Variants in MAP4K3 observed in about 807,000 individuals in gnomAD.
The protein encoded by MAP4K3 is MAPK/ERK kinase kinase kinase 3.
In MAP4K3, 94 loss-of-function variants were observed where a neutral mutation model predicts 143.5. The ratio of observed to expected loss-of-function variants is 0.65; its 90% confidence interval spans 0.55 to 0.78. MAP4K3 has a LOEUF of 0.78. Ranked by LOEUF, MAP4K3 falls within the 30% of genes least tolerant of loss-of-function variation. MAP4K3 has a pLI of 0.00. For synonymous variants in MAP4K3, 416 were observed against 347.2 expected (o/e 1.20, Z -2.20); for missense variants, 1,077 against 1,068.1 (o/e 1.01, Z -0.12).
chr2:39,282,689 G>T, intron 21 of MAP4K3, 135 bp from the exon 22 acceptor site: 1 of 626,038 alleles, frequency 1.6e-6, no homozygotes, highest in Non-Finnish European at 2.7e-6. Flanking sequence ...AGTTAAGGCT[G>T]AAGTTCCCCA....
At chr2:39,335,787 G>A (rs1664930236) in intron 6 of MAP4K3, among the ~76,000 whole-genome samples, 1 of 152,092 alleles carries the variant, frequency 6.6e-6, no homozygotes, top group African/African-American at 2.4e-5. Flanking sequence ...CTTCAAACAA[G>A]GGATCTCAGC....
intron 4 of MAP4K3, among the ~76,000 whole-genome samples, chr2:39,341,517 G>A (rs1665139297): frequency 6.6e-6 from 1 of 151,818 alleles, no homozygotes; most frequent in African/African-American, 2.4e-5. Flanking sequence ...ATTAGCCGGT[G>A]TGGTGGCAGG....
At chr2:39,423,326 A>G (rs1356863540) in intron 1 of MAP4K3, among the ~76,000 whole-genome samples, 2 of 152,182 alleles carry the variant, frequency 1.3e-5, no homozygotes, top group Non-Finnish European at 2.9e-5. Context: ...TAGAAATGCA[A>G]AGTGCTACAG....
At chr2:39,327,703 A>G (rs1245136361) in intron 8 of MAP4K3, among the ~76,000 whole-genome samples, 1 of 152,218 alleles carries the variant, frequency 6.6e-6, no homozygotes, top group Non-Finnish European at 1.5e-5. Flanking sequence ...AGATCTTATG[A>G]AAATTTAAAT....
At chr2:39,319,488 T>G (rs535137321) in intron 12 of MAP4K3, among the ~76,000 whole-genome samples, 10 of 152,282 alleles carry the variant, frequency 6.6e-5, no homozygotes, top group African/African-American at 2.4e-4. Context: ...GATTTGGGTA[T>G]GCACGGAGTT....
Position 39,368,574 on chromosome 2 carries a change from G to A in MAP4K3, c.154+9492C>T, listed in dbSNP as rs886599348. 6.9e-4 allele frequency among the ~76,000 whole-genome samples: 105 copies of A among 151,986 alleles called. 1 individual carries two copies. Among genetic ancestry groups the A allele is most frequent in the Non-Finnish European group, 7.8e-4 (53 of 68,006 alleles). ...AATACCAACCAGTAGTGAGGCTGAG[G>A]CAGGAGGATCGCTTGAGCCCAGGAG... On this transcript the variant is annotated intron_variant, in intron 2 of 33. Transcript: ENST00000263881.
At chr2:39,270,063 C>T (rs2148452289) in intron 26 of MAP4K3, among the ~76,000 whole-genome samples, 1 of 152,266 alleles carries the variant, frequency 6.6e-6, no homozygotes, top group South Asian at 2.1e-4. Context: ...ATGTTCCTGT[C>T]CACACTTGTG....
At chr2:39,282,579 T>TA in intron 21 of MAP4K3, 25 bp from the exon 22 acceptor site, 1 of 1,577,506 alleles carries the variant, frequency 6.3e-7, no homozygotes, top group Non-Finnish European at 8.7e-7. Flanking sequence ...CATGTATGAT[T>TA]ACACTTTTTT....
At chr2:39,252,983 A>T (rs1680207227) in intron 32 of MAP4K3, among the ~76,000 whole-genome samples, 1 of 152,132 alleles carries the variant, frequency 6.6e-6, no homozygotes, top group African/African-American at 2.4e-5. Flanking sequence ...TTAGTTTTTA[A>T]ACCACTTCTG....
chr2:39,328,948 A>G (rs1250465942), intron 8 of MAP4K3, among the ~76,000 whole-genome samples: 1 of 152,220 alleles, frequency 6.6e-6, no homozygotes, highest in Non-Finnish European at 1.5e-5. Context: ...TTTTTCGAAC[A>G]ACTGAATAAC....
Position 39,288,187 on chromosome 2 carries a change from T to C in MAP4K3, c.1408A>G (p.Lys470Glu). The change falls in exon 20 of 34, where the codon AAG becomes GAG. Residue 470 changes from lysine (K) to glutamate (E), a missense_variant. Around this residue, in one of 2 missense-constraint regions of MAP4K3, gnomAD observed 864 missense variants for 801.2 expected, o/e 1.08. Transcript: ENST00000263881. ...KRCPMSGSPAKPSQVPPRPPP... is the reference protein window; with the variant it reads ...KRCPMSGSPAEPSQVPPRPPP... The stretch of plus-strand genomic sequence containing the variant: ...GGTCTAGGTGGAACTTGGGATGGCT[T>C]TGCTGGGCTCCCTGACATGGGACAT... 6.2e-7 allele frequency: 1 copy of C among 1,614,098 alleles called. No homozygotes were observed. The highest frequency in any genetic ancestry group is 8.5e-7 in the Non-Finnish European group (1 of 1,180,012).
rs567899820 is a variant in MAP4K3 at position 39,403,387 on chromosome 2, A to T, written c.97-25264T>A. On this transcript the variant is annotated intron_variant, in intron 1 of 33. Transcript: ENST00000263881. ...GAAGATATCACTGAAAGAGGCACTG[A>T]AGGAAAGGCAATCTTGAATTGCCAA... Among the ~76,000 whole-genome samples, 48 of 152,320 alleles carry T rather than the reference A, an allele frequency of 3.2e-4. 1 individual carries two copies. In the South Asian group the frequency reaches 4.6e-3, roughly 14 times the overall value.
chr2:39,283,409 T>C (rs946349290), intron 21 of MAP4K3, among the ~76,000 whole-genome samples: 1 of 152,212 alleles, frequency 6.6e-6, no homozygotes, highest in African/African-American at 2.4e-5. Flanking sequence ...TTTAACCCAG[T>C]GTTTATTTGC....
At chr2:39,331,479 T>C (rs114722231) in intron 8 of MAP4K3, among the ~76,000 whole-genome samples, 1 of 152,016 alleles carries the variant, frequency 6.6e-6, no homozygotes, top group Non-Finnish European at 1.5e-5. Context: ...TGTCAAGAAA[T>C]CTGCATTTGA....
intron 28 of MAP4K3, among the ~76,000 whole-genome samples, 190 bp downstream of exon 28, chr2:39,265,013 C>A (rs777477050): frequency 1.3e-5 from 2 of 152,178 alleles, no homozygotes; most frequent in Non-Finnish European, 2.9e-5. Flanking sequence ...CATTATTTCT[C>A]TAGTCTCTTA....
At chr2:39,274,679 A>G (rs886413988) in intron 24 of MAP4K3, among the ~76,000 whole-genome samples, 6 of 152,182 alleles carry the variant, frequency 3.9e-5, no homozygotes, top group African/African-American at 1.2e-4. Flanking sequence ...CTAGACTCAT[A>G]TATCTGTTTT....
chr2:39,436,430 T>C (rs1467307269), intron 1 of MAP4K3, among the ~76,000 whole-genome samples: 1 of 151,864 alleles, frequency 6.6e-6, no homozygotes, highest in Non-Finnish European at 1.5e-5. Context: ...CTCAGCATAG[T>C]ATAATAACTA....
At chr2:39,395,835 CTG>C in intron 1 of MAP4K3, among the ~76,000 whole-genome samples, 1 of 152,152 alleles carries the variant, frequency 6.6e-6, no homozygotes, top group Non-Finnish European at 1.5e-5. Flanking sequence ...GGGGGAGAAA[CTG>C]AGATTTCAAT....
At chr2:39,401,573 G>C (rs1457962088) in intron 1 of MAP4K3, among the ~76,000 whole-genome samples, 5 of 152,146 alleles carry the variant, frequency 3.3e-5, no homozygotes, top group Non-Finnish European at 7.4e-5. Flanking sequence ...GCCCAGGCAA[G>C]TGGAGCGCTT....
Sources: gnomAD v4.1 joint callset for allele counts (sites outside exome capture counted in the v4.1 genomes callset) on GRCh38, gnomAD v4.1.1 for gene constraint, gnomAD v4.1.1 regional missense constraint, MANE v1.5 for transcripts, NCBI Gene and HGNC (gene_info 2026-07-23, HGNC 2026-07-21) for gene names.